Variants in BCL9 observed in about 807,000 individuals in gnomAD.
The protein encoded by BCL9 is B-cell CLL/lymphoma 9 protein.
A neutral mutation model predicts 88.5 loss-of-function variants in BCL9; 25 were observed. That is an observed-to-expected ratio of 0.28 (90% CI 0.21 to 0.39). BCL9 has a LOEUF of 0.39. Ranked by LOEUF, BCL9 falls within the 10% of genes least tolerant of loss-of-function variation. BCL9 has a pLI of 1.00. For synonymous variants in BCL9, 711 were observed against 673.3 expected, an observed-to-expected ratio of 1.06 and a Z score of -0.87; for missense variants, 1,817 against 1,877.8, an observed-to-expected ratio of 0.97 and a Z score of 0.60.
intron 1 of BCL9, among the ~76,000 whole-genome samples, chr1:147,574,146 T>G (rs908377571): frequency 6.6e-6 from 1 of 152,202 alleles, no homozygotes; most frequent in Non-Finnish European, 1.5e-5. Flanking sequence ...TAGGCTTGTC[T>G]GACCCTCAAA....
At chr1:147,603,963 CAG>C (rs1657526445) in intron 1 of BCL9, among the ~76,000 whole-genome samples, 1 of 152,278 alleles carries the variant, frequency 6.6e-6, no homozygotes, top group Middle Eastern at 3.4e-3. Flanking sequence ...TTAATTGTAA[CAG>C]TATGTTTCTT....
rs1658020442 is a variant in BCL9, at chr1:147,611,868, C to T, written c.32C>T (p.Ser11Phe). 1 of 1,614,174 alleles carries T rather than the reference C, an allele frequency of 6.2e-7. No homozygotes were observed. The highest frequency in any genetic ancestry group is 2.2e-5 in the East Asian group (1 of 44,880). Residue 11 changes from serine to phenylalanine, a missense_variant, in exon 4 of 10, where the codon TCT (serine) becomes TTT (phenylalanine). Around this residue, in one of 2 missense-constraint regions of BCL9, gnomAD observed 1,228 missense variants for 1,191.6 expected, o/e 1.03. Transcript: ENST00000234739. The part of the protein sequence containing the change: MHSSNPKVRS[S>F]PSGNTQSSPK... ...TCCAGTAACCCTAAAGTGAGGAGCT[C>T]TCCATCAGGAAACACACAGAGGTAA...
intron 1 of BCL9, among the ~76,000 whole-genome samples, chr1:147,579,776 T>G (rs1241773604): frequency 1.3e-5 from 2 of 152,180 alleles, no homozygotes; most frequent in Non-Finnish European, 2.9e-5. Context: ...GTGGGGCCCA[T>G]TATCCCAACG....
At chr1:147,613,338 T>G (rs1418184327) in intron 5 of BCL9, 139 bp downstream of exon 5, 1 of 834,534 alleles carries the variant, frequency 1.2e-6, no homozygotes, top group Non-Finnish European at 1.9e-6. Flanking sequence ...TCTCACAGTT[T>G]ATGATGGAAC....
At chr1:147,551,202 C>T (rs138478057) in intron 1 of BCL9, among the ~76,000 whole-genome samples, 44 of 152,330 alleles carry the variant, frequency 2.9e-4, no homozygotes, top group Admixed American at 8.5e-4. Flanking sequence ...TAGTTGAGGA[C>T]ACTGCGGTCT....
chr1:147,620,732 C>A lies in BCL9; in HGVS notation c.2577C>A (p.Gly859=). The part of the protein sequence containing the change: ...SVAGSQVHSP[G]INPLKSPTMH... ...CAGGCAGCCAGGTGCATTCCCCAGG[C>A]ATTAACCCTCTGAAGTCTCCCACGA... Residue 859 remains glycine, a synonymous_variant, in exon 8 of 10, where the codon GGC becomes GGA. Transcript: ENST00000234739. 6.2e-7 allele frequency: 1 copy of A among 1,614,138 alleles called. No homozygotes were observed. The highest frequency in any genetic ancestry group is 8.5e-7 in the Non-Finnish European group (1 of 1,180,038).
rs587632514 is a variant in BCL9 at position 147,572,067 on chromosome 1, G to A, written c.-478+30393G>A. 5.6e-4 allele frequency among the ~76,000 whole-genome samples: 52 copies of A among 92,942 alleles called. No individual in the cohort carries two copies. The East Asian group carries it at 0.014, about 26-fold the overall frequency. The allele number at this position is 92,942 out of a possible 152,430, so 61.0% of individuals were successfully genotyped here. ...ATCCTGGCTAACACGGTGAAACCCC[G>A]TCTGTACTAAAAATACAAAAAAAAA... On this transcript the variant is annotated intron_variant, in intron 1 of 9. Coordinates refer to ENST00000234739, the MANE Select transcript of BCL9 (RefSeq NM_004326.4).
intron 1 of BCL9, among the ~76,000 whole-genome samples, chr1:147,566,752 G>A (rs950808236): frequency 2.9e-5 from 2 of 69,700 alleles, no homozygotes; most frequent in Non-Finnish European, 5.7e-5. Flanking sequence ...GCGAGACGCT[G>A]TCTCAAAAAA....
chr1:147,570,784 C>T (rs911576211), intron 1 of BCL9, among the ~76,000 whole-genome samples: 8 of 151,710 alleles, frequency 5.3e-5, no homozygotes, highest in South Asian at 2.1e-4. Flanking sequence ...TACAGGCATG[C>T]GCCACCACGC....
chr1:147,607,666 G>A (rs1280115504), intron 3 of BCL9, among the ~76,000 whole-genome samples: 2 of 152,174 alleles, frequency 1.3e-5, no homozygotes, highest in Non-Finnish European at 2.9e-5. Flanking sequence ...CTTGATATGG[G>A]AAAGTTGAAG....
intron 1 of BCL9, among the ~76,000 whole-genome samples, chr1:147,593,726 C>G (rs113993856): frequency 6.6e-6 from 1 of 152,032 alleles, no homozygotes; most frequent in Non-Finnish European, 1.5e-5. Flanking sequence ...ACTTTGAAAA[C>G]AGAATTGAAT....
chr1:147,546,313 G>A (rs371460618), intron 1 of BCL9, among the ~76,000 whole-genome samples: 26 of 151,890 alleles, frequency 1.7e-4, no homozygotes, highest in African/African-American at 5.8e-4. Context: ...ACTCCAGCCT[G>A]GGTGACAGAG....
At chr1:147,590,483 G>A (rs896798893) in intron 1 of BCL9, among the ~76,000 whole-genome samples, 1 of 151,966 alleles carries the variant, frequency 6.6e-6, no homozygotes, top group Non-Finnish European at 1.5e-5. Context: ...CTCTTCTTCT[G>A]CCTGTTGTAG....
At chr1:147,593,171 C>T (rs1656916948) in intron 1 of BCL9, among the ~76,000 whole-genome samples, 1 of 152,240 alleles carries the variant, frequency 6.6e-6, no homozygotes, top group East Asian at 1.9e-4. Context: ...TCCAGCCCCA[C>T]TGCATGCCTG....
chr1:147,618,675 G>T, intron 7 of BCL9, 141 bp from the exon 8 acceptor site: 1 of 778,460 alleles, frequency 1.3e-6, no homozygotes, highest in Non-Finnish European at 1.9e-6. Flanking sequence ...CCCAAAAGAG[G>T]GTTGTACGTG....
At chr1:147,572,008 G>T (rs1468714614) in intron 1 of BCL9, among the ~76,000 whole-genome samples, 2 of 151,998 alleles carry the variant, frequency 1.3e-5, no homozygotes, top group Non-Finnish European at 2.9e-5. Context: ...GAGGCGGGCG[G>T]ATCATGGGAT....
At chr1:147,602,587 T>G (rs587654591) in intron 1 of BCL9, among the ~76,000 whole-genome samples, 50 of 152,304 alleles carry the variant, frequency 3.3e-4, no homozygotes, top group African/African-American at 1.1e-3. Context: ...GTTTTATGAC[T>G]TAGAGATTTG....
intron 1 of BCL9, among the ~76,000 whole-genome samples, chr1:147,545,302 C>T (rs1273982679): frequency 1.3e-5 from 2 of 152,162 alleles, no homozygotes; most frequent in African/African-American, 4.8e-5. Context: ...ACTTCATTTG[C>T]AAGTCTTTGA....
In BCL9 at chr1:147,620,806, A is replaced by G. The variant is rs782451414; in HGVS notation, c.2651A>G (p.Lys884Arg). 6 of 1,614,156 alleles carry G rather than the reference A, an allele frequency of 3.7e-6. No individual in the cohort carries two copies. The South Asian group carries it at 6.6e-5, about 18-fold the overall frequency. Reference sequence around the variant, plus strand: ...CTGGGCTCGCCCTCGGGGAACCTCAAGTCCCCCCAGACTCCATCGCAGCTG... The same window carrying G: ...CTGGGCTCGCCCTCGGGGAACCTCAGGTCCCCCCAGACTCCATCGCAGCTG... ...PMLGSPSGNL[K>R]SPQTPSQLAG... Residue 884 changes from lysine to arginine, a missense_variant, in exon 8 of 10, where the codon AAG becomes AGG. Lys to Arg is a conservative substitution (Grantham distance 26). Coordinates refer to ENST00000234739, the MANE Select transcript of BCL9 (RefSeq NM_004326.4).
Sources: gnomAD v4.1 joint callset for allele counts (sites outside exome capture counted in the v4.1 genomes callset) on GRCh38, gnomAD v4.1.1 for gene constraint, gnomAD v4.1.1 regional missense constraint, MANE v1.5 for transcripts, NCBI Gene and HGNC (gene_info 2026-07-23, HGNC 2026-07-21) for gene names.